PPHLN1: variants seen among roughly 807,000 people sequenced by gnomAD.
The protein encoded by PPHLN1 is periphilin-1.
PPHLN1 carries 29 observed loss-of-function variants against 51.3 expected under a neutral mutation model. That is an observed-to-expected ratio of 0.57 (90% CI 0.42 to 0.77). The LOEUF (loss-of-function observed/expected upper bound fraction) is 0.77, where lower values mean the gene tolerates loss of function less well. Among genes scored for constraint, PPHLN1 ranks in the 30% least tolerant of loss-of-function variants. The pLI is 0.00. For synonymous variants in PPHLN1, 147 were observed against 147.8 expected, an observed-to-expected ratio of 0.99 and a Z score of 0.04; for missense variants, 436 against 438.4, an observed-to-expected ratio of 0.99 and a Z score of 0.05.
intron 9 of PPHLN1, among the ~76,000 whole-genome samples, chr12:42,418,674 T>G (rs2080697514): frequency 6.6e-6 from 1 of 152,192 alleles, no homozygotes. Flanking sequence ...ATGTCACCCT[T>G]TCCCTAAAAT....
At chr12:42,446,110 G>A (rs1361022548), downstream of PPHLN1, 2 of 1,556,910 alleles carry the variant, frequency 1.3e-6, no homozygotes, top group Non-Finnish European at 8.7e-7. Flanking sequence ...AGCCCCGGAA[G>A]AAACGGGTTC....
chr12:42,340,775 A>G (rs938595279), intron 2 of PPHLN1, among the ~76,000 whole-genome samples: 16 of 152,128 alleles, frequency 1.1e-4, no homozygotes, highest in African/African-American at 3.9e-4. Context: ...TGATTTGTAC[A>G]CTTTTTTATA....
chr12:42,433,911 A>G (rs1236614017), intron 9 of PPHLN1, among the ~76,000 whole-genome samples: 1 of 152,204 alleles, frequency 6.6e-6, no homozygotes, highest in Non-Finnish European at 1.5e-5. Context: ...ATCCCATAAC[A>G]TGTTGTAAAC....
At chr12:42,433,780 C>T (rs976476967) in intron 9 of PPHLN1, among the ~76,000 whole-genome samples, 1 of 152,198 alleles carries the variant, frequency 6.6e-6, no homozygotes, top group African/African-American at 2.4e-5. Context: ...ATAAGTTGGT[C>T]TTGCCATCTT....
At chr12:42,363,125 T>G (rs1443835822) in intron 4 of PPHLN1, among the ~76,000 whole-genome samples, 1 of 152,136 alleles carries the variant, frequency 6.6e-6, no homozygotes. Context: ...ATAAAGTTTT[T>G]TCTCTGACCC....
rs186292290 is a variant in PPHLN1 at position 42,366,688 on chromosome 12, T to A, written c.300-8175T>A. Among the ~76,000 whole-genome samples, 175 of 152,184 alleles carry A rather than the reference T, an allele frequency of 1.1e-3. 1 individual carries two copies. In the South Asian group the frequency reaches 0.029, roughly 25 times the overall value. On this transcript the variant is annotated intron_variant, in intron 4 of 9. Coordinates refer to ENST00000358314, the MANE Select transcript of PPHLN1 (RefSeq NM_201439.2). ...ACAGGCCTGAGCCACCGTGCCCCAG[T>A]GAGTTGGCATTTTAAACACAGGTTT...
intron 2 of PPHLN1, among the ~76,000 whole-genome samples, chr12:42,337,309 G>A (rs1157838519): frequency 1.4e-5 from 2 of 145,558 alleles, no homozygotes; most frequent in Admixed American, 7.2e-5. Context: ...TGTCACCTCA[G>A]CTGGAGTGCA....
At chr12:42,437,677 A>G (rs561097362) in intron 9 of PPHLN1, among the ~76,000 whole-genome samples, 12 of 152,312 alleles carry the variant, frequency 7.9e-5, no homozygotes, top group Non-Finnish European at 1.3e-4. Flanking sequence ...ATATTGATAT[A>G]TTAATATTAA....
At chr12:42,375,156 AAG>A in intron 5 of PPHLN1, 82 bp downstream of exon 5, 1 of 1,101,176 alleles carries the variant, frequency 9.1e-7, no homozygotes, top group Non-Finnish European at 1.3e-6. Context: ...TTCTAGGTGT[AAG>A]AGATTTATTT....
intron 2 of PPHLN1, among the ~76,000 whole-genome samples, chr12:42,345,101 A>G (rs1351840897): frequency 6.6e-6 from 1 of 152,150 alleles, no homozygotes; most frequent in Non-Finnish European, 1.5e-5. Flanking sequence ...ATTTCCTGTA[A>G]CCGATAGGTA....
At chr12:42,374,747 C>G in intron 4 of PPHLN1, 116 bp from the exon 5 acceptor site, 1 of 874,818 alleles carries the variant, frequency 1.1e-6, no homozygotes. Context: ...AGTCACCGCA[C>G]CCGGCCCCAA....
chr12:42,420,799 A>G (rs2080940717), intron 9 of PPHLN1, among the ~76,000 whole-genome samples: 1 of 151,416 alleles, frequency 6.6e-6, no homozygotes, highest in South Asian at 2.1e-4. Context: ...AATACTGAGA[A>G]GTTTTATTTG....
chr12:42,380,345 C>G (rs190812641), intron 5 of PPHLN1, among the ~76,000 whole-genome samples: 22 of 152,040 alleles, frequency 1.4e-4, no homozygotes, highest in Admixed American at 6.5e-4. Context: ...AACTTTGGGC[C>G]TAGCTTCCCT....
chr12:42,425,024 ATTTTT>A (rs2081309601), intron 9 of PPHLN1, among the ~76,000 whole-genome samples: 1 of 148,706 alleles, frequency 6.7e-6, no homozygotes, highest in Admixed American at 6.7e-5. Flanking sequence ...TCAGGTTTTT[ATTTTT>A]ATTTTATTTT....
intron 3 of PPHLN1, among the ~76,000 whole-genome samples, 156 bp from the exon 4 acceptor site, chr12:42,355,005 T>C (rs1016145298): frequency 1.3e-5 from 2 of 152,232 alleles, no homozygotes; most frequent in Non-Finnish European, 2.9e-5. Context: ...GTCTACTCTT[T>C]CAGTTGTTGA....
At chr12:42,376,744 C>T (rs1049007614) in intron 5 of PPHLN1, among the ~76,000 whole-genome samples, 4 of 152,062 alleles carry the variant, frequency 2.6e-5, no homozygotes, top group Non-Finnish European at 4.4e-5. Flanking sequence ...ACTGTGATCA[C>T]GCCACTGCAC....
chr12:42,386,192 C>G (rs545790065), intron 6 of PPHLN1, among the ~76,000 whole-genome samples: 124 of 152,308 alleles, frequency 8.1e-4, no homozygotes, highest in African/African-American at 2.5e-3. Context: ...GGGGTGTCCC[C>G]CATAGCAGGA....
chr12:42,415,867 G>A (rs1230061489), intron 9 of PPHLN1, among the ~76,000 whole-genome samples: 1 of 152,214 alleles, frequency 6.6e-6, no homozygotes, highest in Non-Finnish European at 1.5e-5. Flanking sequence ...GTTTATGCTA[G>A]AAGTGGTAGA....
At chr12:42,420,849 G>A (rs2080944101) in intron 9 of PPHLN1, among the ~76,000 whole-genome samples, 1 of 151,710 alleles carries the variant, frequency 6.6e-6, no homozygotes, top group Non-Finnish European at 1.5e-5. Context: ...TAGCTTTCAG[G>A]ATACTGTGTT....
Sources: gnomAD v4.1 joint callset for allele counts (sites outside exome capture counted in the v4.1 genomes callset) on GRCh38, gnomAD v4.1.1 for gene constraint, MANE v1.5 for transcripts, NCBI Gene and HGNC (gene_info 2026-07-23, HGNC 2026-07-21) for gene names.